EFCAB5: variants seen among roughly 807,000 people sequenced by gnomAD.
EFCAB5 encodes the protein EF-hand calcium binding domain 5, also known as EF-hand calcium-binding domain-containing protein 5.
Under a neutral mutation model 167.9 loss-of-function variants are expected in EFCAB5, and 131 were observed. The observed-to-expected ratio is 0.78, with a 90% CI of 0.68 to 0.90. EFCAB5 has a LOEUF of 0.90. EFCAB5 is among the 40% of genes least tolerant of loss of function. The probability of loss-of-function intolerance (pLI) is 0.00; values close to 1 mark genes in which losing one functional copy is unlikely to be tolerated. For synonymous variants in EFCAB5, 574 were observed against 602.8 expected (o/e 0.95, Z 0.70); for missense variants, 1,663 against 1,745.2 (o/e 0.95, Z 0.84).
At chr17:30,072,092 T>C (rs778022419) in intron 14 of EFCAB5, among the ~76,000 whole-genome samples, 13 of 152,060 alleles carry the variant, frequency 8.5e-5, no homozygotes, top group Non-Finnish European at 1.8e-4. Context: ...CACTGTAGAG[T>C]GACTATAATT....
chr17:29,946,626 G>T (rs1430924749), intron 3 of EFCAB5, among the ~76,000 whole-genome samples: 2 of 151,682 alleles, frequency 1.3e-5, no homozygotes, highest in Admixed American at 1.3e-4. Flanking sequence ...TTTTAGTAGA[G>T]ACTGGGTTTC....
chr17:30,097,032 A>ATATACG (rs1322195474), intron 22 of EFCAB5, among the ~76,000 whole-genome samples: 2 of 112,668 alleles, frequency 1.8e-5, no homozygotes, highest in African/African-American at 8.7e-5. Context: ...ATACATATAC[A>ATATACG]TATACATATA....
intron 14 of EFCAB5, among the ~76,000 whole-genome samples, chr17:30,069,952 A>C (rs1004492024): frequency 2.0e-5 from 3 of 152,184 alleles, no homozygotes; most frequent in African/African-American, 7.2e-5. Context: ...CCTGAACTTG[A>C]GGCCGCCTTG....
chr17:30,105,702 G>T lies in EFCAB5; in HGVS notation c.4322-2132G>T, dbSNP rs539775416. Among the ~76,000 whole-genome samples the T allele has an allele frequency of 5.0e-4, 76 of 152,202 alleles. No homozygotes were observed. The Middle Eastern group carries it at 0.017, about 34-fold the overall frequency. On this transcript the variant is annotated intron_variant, in intron 22 of 22. Transcript: ENST00000394835. ...ATGTTACTGAGCTATAATCTGGAAA[G>T]AATTTTAGTATTTGAGAAACCTAAT... is the stretch of plus-strand genomic sequence containing the variant.
chr17:30,087,262 C>A, intron 19 of EFCAB5, 96 bp downstream of exon 19: 1 of 908,924 alleles, frequency 1.1e-6, no homozygotes, highest in Non-Finnish European at 1.7e-6. Context: ...TGCTCATACA[C>A]GCTGACTTTT....
At position 30,053,289 on chromosome 17, in the gene EFCAB5, T is replaced by C. The variant is rs758259705; in HGVS notation, c.1335T>C (p.Thr445=). The C allele has an allele frequency of 5.6e-6, 9 of 1,609,728 alleles. No homozygotes were observed. In the South Asian group the frequency reaches 9.9e-5, roughly 18 times the overall value. The change falls in exon 10 of 23, where the codon ACT becomes ACC. Residue 445 remains threonine, a synonymous_variant. Transcript: ENST00000394835. ...PFIEFEEINL[T]ELWGDMDNQK... is the part of the protein sequence containing the mutation. ...TTGAATTTGAAGAGATAAACTTGACTGAGTTGTGGGGAGACATGGATAATC... is the reference window on the plus strand; with the variant it reads ...TTGAATTTGAAGAGATAAACTTGACCGAGTTGTGGGGAGACATGGATAATC...
At chr17:30,082,390 C>CTTTTTTTTT (rs71138871) in intron 17 of EFCAB5, among the ~76,000 whole-genome samples, 5 of 98,252 alleles carry the variant, frequency 5.1e-5, no homozygotes, top group African/African-American at 8.2e-5. Flanking sequence ...CTTTATACCT[C>CTTTTTTTTT]TTTTTTTTTT....
At chr17:30,042,675 G>A (rs973440983) in intron 8 of EFCAB5, among the ~76,000 whole-genome samples, 2 of 152,038 alleles carry the variant, frequency 1.3e-5, no homozygotes, top group Non-Finnish European at 2.9e-5. Flanking sequence ...CAAAACCCCT[G>A]GCCCAGATAG....
At chr17:29,962,682 A>C (rs1247278461) in intron 3 of EFCAB5, among the ~76,000 whole-genome samples, 2 of 144,558 alleles carry the variant, frequency 1.4e-5, no homozygotes, top group East Asian at 4.1e-4. Context: ...GCCCTATTGA[A>C]TTTGTTCAAT....
chr17:30,053,112 C>A lies in EFCAB5; in HGVS notation c.1301-143C>A, dbSNP rs957151458. 16 of 947,374 alleles carry A rather than the reference C, an allele frequency of 1.7e-5. No individual in the cohort carries two copies. In the African/African-American group the frequency reaches 2.3e-4, roughly 14 times the overall value. The allele number at this position is 947,374 out of a possible 1,614,324, so 58.7% of individuals were successfully genotyped here. The stretch of plus-strand genomic sequence containing the variant: ...CTTTTTACTTTTTATTGTGTTGCAG[C>A]CAAAGATAACTGATATTTATTTAGA... On this transcript the variant is annotated intron_variant, in intron 9 of 22. Coordinates refer to ENST00000394835, the MANE Select transcript of EFCAB5 (RefSeq NM_198529.4).
chr17:30,032,399 C>T (rs568169249), intron 7 of EFCAB5, among the ~76,000 whole-genome samples: 2 of 152,218 alleles, frequency 1.3e-5, no homozygotes, highest in East Asian at 1.9e-4. Flanking sequence ...TATGCTACCC[C>T]GAAACATTCC....
At chr17:30,053,159 T>C (rs2070147845) in intron 9 of EFCAB5, 96 bp from the exon 10 acceptor site, 1 of 1,397,464 alleles carries the variant, frequency 7.2e-7, no homozygotes, top group Non-Finnish European at 9.7e-7. Context: ...ATATTACAAT[T>C]TCTGTGCTCA....
intron 3 of EFCAB5, among the ~76,000 whole-genome samples, chr17:29,958,837 C>G (rs959879263): frequency 6.6e-6 from 1 of 152,184 alleles, no homozygotes; most frequent in Non-Finnish European, 1.5e-5. Context: ...GCAGCCATAT[C>G]TGCATTAGAG....
intron 14 of EFCAB5, chr17:30,068,747 G>C: frequency 7.0e-7 from 1 of 1,433,854 alleles, no homozygotes; most frequent in Non-Finnish European, 9.8e-7. Flanking sequence ...GAGCTGTTCC[G>C]CAGGAGTCCC....
chr17:30,090,371 T>C, intron 19 of EFCAB5, 50 bp from the exon 20 acceptor site: 2 of 1,588,284 alleles, frequency 1.3e-6, no homozygotes, highest in Non-Finnish European at 1.7e-6. Flanking sequence ...TGGAATGATG[T>C]GAACAGACAG....
At chr17:29,941,957 T>A in intron 1 of EFCAB5, 119 bp downstream of exon 1, 1 of 1,142,734 alleles carries the variant, frequency 8.8e-7, no homozygotes, top group Non-Finnish European at 1.3e-6. Flanking sequence ...TTGGTTGAAG[T>A]ATTCTGCATC....
At chr17:30,073,443 A>G (rs890636969) in intron 14 of EFCAB5, among the ~76,000 whole-genome samples, 4 of 152,178 alleles carry the variant, frequency 2.6e-5, no homozygotes, top group Non-Finnish European at 2.9e-5. Context: ...CATAAATTCT[A>G]TCATTAATAT....
chr17:30,050,963 A>G lies in EFCAB5; in HGVS notation c.1201-155A>G, dbSNP rs28374297. On this transcript the variant is annotated intron_variant, in intron 8 of 22. Coordinates refer to ENST00000394835, the MANE Select transcript of EFCAB5 (RefSeq NM_198529.4). ...TAGAGTATAAGCCTAAAGGCAAGAT[A>G]TAACTTTCTTGATTTTGATGCTGCA... 6.3e-3 allele frequency among the ~76,000 whole-genome samples: 959 copies of G among 152,352 alleles called. 5 individuals carry two copies. The highest frequency in any genetic ancestry group is 0.022 in the African/African-American group (920 of 41,574).
chr17:29,962,134 T>A (rs1305599058), intron 3 of EFCAB5, among the ~76,000 whole-genome samples: 3 of 152,178 alleles, frequency 2.0e-5, no homozygotes, highest in Non-Finnish European at 4.4e-5. Context: ...TCAAGTTTGT[T>A]CCTTTTGTTT....
Sources: gnomAD v4.1 joint callset for allele counts (sites outside exome capture counted in the v4.1 genomes callset) on GRCh38, gnomAD v4.1.1 for gene constraint, MANE v1.5 for transcripts, NCBI Gene and HGNC (gene_info 2026-07-23, HGNC 2026-07-21) for gene names.